The following CCDC149 variants were observed in gnomAD, a reference collection of about 807,000 sequenced individuals.
CCDC149 encodes coiled-coil domain containing 149, also known as coiled-coil domain-containing protein 149.
In CCDC149, 45 loss-of-function variants were observed where a neutral mutation model predicts 59.9. The observed-to-expected ratio is 0.75, with a 90% CI of 0.59 to 0.96. CCDC149 has a LOEUF of 0.96. Among genes scored for constraint, CCDC149 ranks in the 40% least tolerant of loss-of-function variants. CCDC149 has a pLI of 0.00. For synonymous variants in CCDC149, 245 were observed against 260.6 expected (o/e 0.94, Z 0.58); for missense variants, 584 against 664.7 (o/e 0.88, Z 1.33).
At chr4:24,875,516 T>C (rs1719360773) in intron 2 of CCDC149, among the ~76,000 whole-genome samples, 1 of 152,030 alleles carries the variant, frequency 6.6e-6, no homozygotes, top group Non-Finnish European at 1.5e-5. Context: ...TTTTTTTTTT[T>C]TTGAGAAGGG....
rs1017398990 is a variant in CCDC149 at position 24,822,580 on chromosome 4, A to G, written c.966-7T>C. 2 of 1,528,138 alleles carry G rather than the reference A, an allele frequency of 1.3e-6. No individual in the cohort carries two copies. The highest frequency in any genetic ancestry group is 2.5e-5 in the South Asian group (2 of 79,810). 94.7% of individuals were successfully genotyped at this position (1,528,138 alleles called of 1,614,324 possible). A position where few individuals can be genotyped will look rare whatever the true frequency, so the allele number is the denominator to read the frequency against. ...CACCCGATTCCCTAGGATTCTGAAA[A>G]AAGGGGAGAAAATGACAATCAATTA... On this transcript the variant is annotated splice_polypyrimidine_tract_variant and splice_region_variant and intron_variant, in intron 9 of 12. Coordinates refer to ENST00000635206, the MANE Select transcript of CCDC149 (RefSeq NM_001330643.2).
At chr4:24,968,394 A>G (rs1723866609) in intron 1 of CCDC149, among the ~76,000 whole-genome samples, 1 of 152,228 alleles carries the variant, frequency 6.6e-6, no homozygotes, top group Admixed American at 6.5e-5. Context: ...TTCACGGGTA[A>G]CAAATTCCCA....
At chr4:24,957,090 G>C (rs765401121) in intron 1 of CCDC149, among the ~76,000 whole-genome samples, 136 of 152,360 alleles carry the variant, frequency 8.9e-4, no homozygotes, top group Non-Finnish European at 1.8e-3. Context: ...ATCTATGGCA[G>C]AGAACTCTAC....
At chr4:24,868,752 G>A (rs974566683) in intron 3 of CCDC149, among the ~76,000 whole-genome samples, 8 of 151,988 alleles carry the variant, frequency 5.3e-5, no homozygotes, top group African/African-American at 1.7e-4. Context: ...TTTTCACCCC[G>A]TGCCCCTCCT....
At position 24,813,529 on chromosome 4, in the gene CCDC149, A is replaced by T. The variant is rs867933868; in HGVS notation, c.1193-4710T>A. On this transcript the variant is annotated intron_variant, in intron 12 of 12. Coordinates refer to ENST00000635206, the MANE Select transcript of CCDC149 (RefSeq NM_001330643.2). ...ATATATATATATATATATATATATA[A>T]AACCTAAAAAGGAAATATAATCTAA... Among the ~76,000 whole-genome samples, 263 of 110,340 alleles carry T rather than the reference A, an allele frequency of 2.4e-3. 7 individuals carry two copies. Among genetic ancestry groups the T allele is most frequent in the African/African-American group, 0.011 (244 of 22,532 alleles). The allele number at this position is 110,340 out of a possible 152,430, so 72.4% of individuals were successfully genotyped here. A position where few individuals can be genotyped will look rare whatever the true frequency, so the allele number is the denominator to read the frequency against.
chr4:24,820,258 C>T, intron 11 of CCDC149: 1 of 341,718 alleles, frequency 2.9e-6, no homozygotes, highest in South Asian at 4.5e-5. Flanking sequence ...ATTCATCTTG[C>T]TTCCCTAAGT....
At chr4:24,886,395 A>C (rs989777612) in intron 1 of CCDC149, among the ~76,000 whole-genome samples, 4 of 152,254 alleles carry the variant, frequency 2.6e-5, no homozygotes, top group Admixed American at 6.5e-5. Flanking sequence ...GTTACATTTC[A>C]GTCTCTTTGC....
At chr4:24,848,467 G>A (rs914840771) in intron 4 of CCDC149, among the ~76,000 whole-genome samples, 1 of 152,114 alleles carries the variant, frequency 6.6e-6, no homozygotes, top group African/African-American at 2.4e-5. Flanking sequence ...TACTCAGGAG[G>A]CTGAGGCAGG....
intron 1 of CCDC149, among the ~76,000 whole-genome samples, chr4:24,884,481 G>A (rs771797524): frequency 3.3e-5 from 5 of 152,082 alleles, no homozygotes; most frequent in Non-Finnish European, 7.4e-5. Context: ...GCAATGCATG[G>A]GTATAGCTAA....
chr4:24,906,334 G>C (rs2109316225), intron 1 of CCDC149, among the ~76,000 whole-genome samples: 1 of 99,110 alleles, frequency 1.0e-5, no homozygotes, highest in African/African-American at 3.4e-5. Flanking sequence ...ATAATAATTA[G>C]CCCTAGAGTA....
At position 24,808,712 on chromosome 4, in the gene CCDC149, G is replaced by A. The variant is rs1306185807; in HGVS notation, c.1300C>T (p.Arg434Cys). 1.6e-5 allele frequency: 25 copies of A among 1,552,152 alleles called. No homozygotes were observed. Among genetic ancestry groups the A allele is most frequent in the East Asian group, 2.4e-5 (1 of 40,916 alleles). Residue 434 changes from arginine (R) to cysteine (C), a missense_variant, in exon 13 of 13, where the codon CGC becomes TGC. Physicochemically the swap from Arg to Cys is radical, Grantham distance 180 (BLOSUM62 -3). Coordinates refer to ENST00000635206, the MANE Select transcript of CCDC149 (RefSeq NM_001330643.2). ...TGAAAGAGCTTGCATTGGTTCCCGC[G>A]GCTCTGATTTGCTGGGGAGTTGACA... is the stretch of plus-strand genomic sequence containing the variant.
chr4:24,876,398 T>G, intron 2 of CCDC149, 138 bp downstream of exon 2: 12 of 754,766 alleles, frequency 1.6e-5, no homozygotes, highest in South Asian at 4.4e-5. Context: ...GAAATAGAGG[T>G]GGTGACTTTT....
Position 24,874,244 on chromosome 4 carries a change from G to GTTTTTTTTTTTTTTTT in CCDC149, c.226-526_226-525insAAAAAAAAAAAAAAAA, listed in dbSNP as rs5856868. On this transcript the variant is annotated intron_variant, in intron 2 of 12. Transcript: ENST00000635206. ...GAGAACTTCTAGTCCTATTAGATTT[G>GTTTTTTTTTTTTTTTT]TTTTTTTTTTTTTTTGTTTTGTTTT... Among the ~76,000 whole-genome samples, 49 of 87,478 alleles carry GTTTTTTTTTTTTTTTT rather than the reference G, an allele frequency of 5.6e-4. 10 individuals are homozygous for GTTTTTTTTTTTTTTTT. The highest frequency in any genetic ancestry group is 2.5e-3 in the African/African-American group (43 of 17,166). 57.4% of individuals were successfully genotyped at this position (87,478 alleles called of 152,430 possible).
At chr4:24,895,216 G>A in intron 1 of CCDC149, 1 of 622,526 alleles carries the variant, frequency 1.6e-6, no homozygotes. Flanking sequence ...TGGCTCAGAA[G>A]GGCATAGGAA....
chr4:24,861,115 T>C (rs1718349401), intron 3 of CCDC149, among the ~76,000 whole-genome samples: 1 of 152,152 alleles, frequency 6.6e-6, no homozygotes, highest in African/African-American at 2.4e-5. Flanking sequence ...CTATTGGGTA[T>C]CTACTCAAAG....
intron 1 of CCDC149, among the ~76,000 whole-genome samples, chr4:24,882,298 T>C (rs901101919): frequency 1.3e-5 from 2 of 152,124 alleles, no homozygotes; most frequent in Non-Finnish European, 2.9e-5. Flanking sequence ...TTCTAAGAAA[T>C]GGGACAAACT....
At chr4:24,825,653 G>A (rs1577385155) in intron 9 of CCDC149, among the ~76,000 whole-genome samples, 2 of 151,804 alleles carry the variant, frequency 1.3e-5, no homozygotes, top group African/African-American at 4.8e-5. Context: ...GGCGCCTGTA[G>A]TCCCAGCTAC....
At chr4:24,876,483 T>C in intron 2 of CCDC149, 53 bp downstream of exon 2, 2 of 1,527,058 alleles carry the variant, frequency 1.3e-6, no homozygotes, top group South Asian at 1.3e-5. Flanking sequence ...AATCTCTTTA[T>C]ATCTTAATTC....
At chr4:24,957,626 ACT>A (rs1723504926) in intron 1 of CCDC149, among the ~76,000 whole-genome samples, 1 of 152,080 alleles carries the variant, frequency 6.6e-6, no homozygotes, top group Non-Finnish European at 1.5e-5. Context: ...GGGTTAGCAA[ACT>A]CTGATCCATA....
Sources: gnomAD v4.1 joint callset for allele counts (sites outside exome capture counted in the v4.1 genomes callset) on GRCh38, gnomAD v4.1.1 for gene constraint, MANE v1.5 for transcripts, NCBI Gene and HGNC (gene_info 2026-07-23, HGNC 2026-07-21) for gene names.